GPC3: variants seen among roughly 807,000 people sequenced by gnomAD.
The protein encoded by GPC3 is glypican 3.
GPC3 carries 3 observed loss-of-function variants against 34.4 expected under a neutral mutation model. The ratio of observed to expected loss-of-function variants is 0.09; its 90% CI spans 0.04 to 0.23. GPC3 has a LOEUF of 0.23. GPC3 is among the 10% of genes least tolerant of loss of function. The pLI is 1.00. For missense variants in GPC3, 351 were observed against 445.6 expected, an observed-to-expected ratio of 0.79 and a Z score of 1.91; for synonymous variants, 177 against 174.0, an observed-to-expected ratio of 1.02 and a Z score of -0.13.
intron 2 of GPC3, among the ~76,000 whole-genome samples, chrX:133,870,883 G>T (rs2075991478): frequency 8.9e-6 from 1 of 111,817 alleles, no homozygotes; most frequent in African/African-American, 3.3e-5. Context: ...CCACCCCTAT[G>T]GAGTATTTTA....
At chrX:133,603,174 G>C (rs1485354183) in intron 6 of GPC3, among the ~76,000 whole-genome samples, 1 of 108,968 alleles carries the variant, frequency 9.2e-6, no homozygotes, top group African/African-American at 3.3e-5. Context: ...ACGCTCCCTG[G>C]CCCAATTCAC....
intron 5 of GPC3, among the ~76,000 whole-genome samples, chrX:133,668,496 T>A (rs907930350): frequency 9.1e-6 from 1 of 110,357 alleles, no homozygotes; most frequent in Non-Finnish European, 1.9e-5. Flanking sequence ...TTATGTATAT[T>A]CCATTTGCCA....
chrX:133,926,227 A>G (rs1161332947), intron 2 of GPC3, among the ~76,000 whole-genome samples: 1 of 112,124 alleles, frequency 8.9e-6, no homozygotes, highest in Non-Finnish European at 1.9e-5. Context: ...AATGTTCTGA[A>G]CCCAGTAGAG....
At chrX:133,897,528 G>A (rs759866087) in intron 2 of GPC3, among the ~76,000 whole-genome samples, 5 of 109,699 alleles carry the variant, frequency 4.6e-5, no homozygotes, top group Non-Finnish European at 3.8e-5. Flanking sequence ...TAAGGATACC[G>A]TGCTATTCTG....
chrX:133,753,663 C>G lies in GPC3; in HGVS notation c.851G>C (p.Gly284Ala), dbSNP rs2071692187. The change falls in exon 3 of 8, where the codon GGC (glycine) becomes GCC (alanine). Residue 284 changes from glycine to alanine, a missense_variant. Coordinates refer to ENST00000370818, the MANE Select transcript of GPC3 (RefSeq NM_004484.4). The part of the protein sequence containing the change: ...CGGYCNVVMQ[G>A]CMAGVVEIDK... Reference sequence around the variant, plus strand: ...AATCTCCACCACACCTGCCATACAGCCTTGCATGACCACATTGCAGTAACC... The same window carrying G: ...AATCTCCACCACACCTGCCATACAGGCTTGCATGACCACATTGCAGTAACC... The G allele has an allele frequency of 2.5e-6, 3 of 1,211,472 alleles. No individual in the cohort carries two copies. Among genetic ancestry groups the G allele is most frequent in the Non-Finnish European group, 1.1e-6 (1 of 895,070 alleles).
At chrX:133,859,681 C>T (rs1413615191) in intron 2 of GPC3, among the ~76,000 whole-genome samples, 1 of 112,369 alleles carries the variant, frequency 8.9e-6, no homozygotes, top group Non-Finnish European at 1.9e-5. Flanking sequence ...AAATCTATGT[C>T]AGGATTTTGA....
At chrX:133,689,713 C>A (rs188726777) in intron 5 of GPC3, among the ~76,000 whole-genome samples, 1 of 111,936 alleles carries the variant, frequency 8.9e-6, no homozygotes, top group South Asian at 3.7e-4. Context: ...AGAATGAATA[C>A]GTGAATGAAT....
chrX:133,839,894 C>T (rs1463046490), intron 2 of GPC3, among the ~76,000 whole-genome samples: 2 of 98,430 alleles, frequency 2.0e-5, no homozygotes, highest in Non-Finnish European at 4.0e-5. Flanking sequence ...CGCCACTGCA[C>T]TCCAGCCTGG....
intron 1 of GPC3, among the ~76,000 whole-genome samples, chrX:133,970,200 G>A (rs1458820744): frequency 8.9e-6 from 1 of 111,756 alleles, no homozygotes; most frequent in East Asian, 2.8e-4. Flanking sequence ...ACTAGCTGCT[G>A]TTAAGCAAAG....
At chrX:133,942,266 C>T (rs750873553) in intron 2 of GPC3, among the ~76,000 whole-genome samples, 180 of 111,663 alleles carry the variant, frequency 1.6e-3, no homozygotes, top group African/African-American at 5.6e-3. Context: ...AGTCTCTGAC[C>T]CAGCAATTCC....
intron 3 of GPC3, among the ~76,000 whole-genome samples, chrX:133,710,411 A>C (rs149716964): frequency 2.5e-3 from 276 of 112,309 alleles, no homozygotes; most frequent in African/African-American, 8.2e-3. Context: ...TGTAATGTGA[A>C]GATCAAGCGA....
At chrX:133,729,840 G>A (rs1015686035) in intron 3 of GPC3, among the ~76,000 whole-genome samples, 2 of 112,052 alleles carry the variant, frequency 1.8e-5, no homozygotes, top group Non-Finnish European at 3.8e-5. Context: ...TTTAATTAAC[G>A]CTGATACTTT....
chrX:133,744,232 C>A (rs1299724205), intron 3 of GPC3, among the ~76,000 whole-genome samples: 2 of 111,991 alleles, frequency 1.8e-5, no homozygotes, highest in African/African-American at 6.5e-5. Context: ...AGGCAACCTA[C>A]AGAATGGGAG....
At chrX:133,700,326 C>T (rs1438223722) in intron 3 of GPC3, among the ~76,000 whole-genome samples, 3 of 111,256 alleles carry the variant, frequency 2.7e-5, no homozygotes, top group Non-Finnish European at 5.7e-5. Flanking sequence ...GCAGGCCTCA[C>T]GCTATTGATA....
At chrX:133,953,777 G>A (rs1393542790) in intron 1 of GPC3, among the ~76,000 whole-genome samples, 2 of 111,939 alleles carry the variant, frequency 1.8e-5, no homozygotes, top group Non-Finnish European at 3.8e-5. Flanking sequence ...ATATTTATTA[G>A]GTGCCTACTA....
At chrX:133,643,827 TTA>T (rs1359743624) in intron 6 of GPC3, among the ~76,000 whole-genome samples, 1 of 107,949 alleles carries the variant, frequency 9.3e-6, no homozygotes, top group Non-Finnish European at 1.9e-5. Flanking sequence ...GCTTTTGTTT[TTA>T]TGTTTTTTTT....
chrX:133,783,806 T>A (rs1218468515), intron 2 of GPC3, among the ~76,000 whole-genome samples: 1 of 112,647 alleles, frequency 8.9e-6, no homozygotes, highest in African/African-American at 3.2e-5. Context: ...TGCATTTGAA[T>A]CCTTGGAAAA....
rs1039619847 is a variant in GPC3, at chrX:133,704,278, A to G, written c.1033-4250T>C. The G allele has an allele frequency of 3.6e-5, 11 of 301,666 alleles. No homozygotes were observed. Among genetic ancestry groups the G allele is most frequent in the African/African-American group, 3.4e-4 (9 of 26,840 alleles). The allele number at this position is 301,666 out of a possible 1,213,427, so 24.9% of individuals were successfully genotyped here. On this transcript the variant is annotated intron_variant, in intron 3 of 7. Transcript: ENST00000370818. ...CCATATTTTCTTCTCAGTTTCCTTG[A>G]AAAAAAAAAAAAGGTGAAAATTACT...
chrX:133,622,162 A>T lies in GPC3; in HGVS notation c.1414-25563T>A, dbSNP rs949183746. On this transcript the variant is annotated intron_variant, in intron 6 of 7. Coordinates refer to ENST00000370818, the MANE Select transcript of GPC3 (RefSeq NM_004484.4). ...AAAACCCCATCTGTATGTCACCATC[A>T]TCAAACACCAAAGGTAGATAAAACC... Among the ~76,000 whole-genome samples, 8 of 112,052 alleles carry T rather than the reference A, an allele frequency of 7.1e-5. No individual in the cohort carries two copies. In the Admixed American group the frequency reaches 7.6e-4, roughly 11 times the overall value.
Sources: gnomAD v4.1 joint callset for allele counts (sites outside exome capture counted in the v4.1 genomes callset) on GRCh38, gnomAD v4.1.1 for gene constraint, MANE v1.5 for transcripts, NCBI Gene and HGNC (gene_info 2026-07-23, HGNC 2026-07-21) for gene names.